SCUBE1: variants seen among roughly 807,000 people sequenced by gnomAD.
SCUBE1 encodes signal peptide, CUB and EGF-like domain-containing protein 1.
In SCUBE1, 59 loss-of-function variants were observed where a neutral mutation model predicts 124.4. The observed-to-expected ratio is 0.47, with a 90% CI of 0.38 to 0.59. The LOEUF (loss-of-function observed/expected upper bound fraction) is 0.59, where lower values mean the gene tolerates loss of function less well. Among genes scored for constraint, SCUBE1 ranks in the 20% least tolerant of loss-of-function variants. SCUBE1 has a pLI of 0.00. For missense variants in SCUBE1, 1,150 were observed against 1,371.2 expected, an observed-to-expected ratio of 0.84 and a Z score of 2.55; for synonymous variants, 545 against 550.9, an observed-to-expected ratio of 0.99 and a Z score of 0.15.
Position 43,258,177 on chromosome 22 carries a change from C to A in SCUBE1, c.727+42G>T, listed in dbSNP as rs375974492. 2.2e-6 allele frequency: 3 copies of A among 1,354,314 alleles called. No homozygotes were observed. Among genetic ancestry groups the A allele is most frequent in the Non-Finnish European group, 3.1e-6 (3 of 953,540 alleles). The allele number at this position is 1,354,314 out of a possible 1,614,324, so 83.9% of individuals were successfully genotyped here. A position where few individuals can be genotyped will look rare whatever the true frequency, so the allele number is the denominator to read the frequency against. On this transcript the variant is annotated intron_variant, in intron 6 of 21. Coordinates refer to ENST00000360835, the MANE Select transcript of SCUBE1 (RefSeq NM_173050.5). This position sits in a 1 kb window ranked among gnomAD's most constrained non-coding sequence, Gnocchi z 5.0. ...TGGTGCACGCATGGGGGGTCGGGGG[C>A]GGGGGGCGCAAGGGTGGTGTGTGGC...
chr22:43,271,202 G>C (rs114691168), intron 4 of SCUBE1, among the ~76,000 whole-genome samples: 3,735 of 152,222 alleles, frequency 0.025, 170 homozygotes, highest in African/African-American at 0.087. Context: ...CATGCCTGGG[G>C]CTCCCCTGCT....
chr22:43,323,715 GCA>G (rs973484457), intron 2 of SCUBE1, among the ~76,000 whole-genome samples: 2 of 151,840 alleles, frequency 1.3e-5, no homozygotes, highest in African/African-American at 4.8e-5. Context: ...TCACGCTCAT[GCA>G]CACACACGCA....
intron 4 of SCUBE1, among the ~76,000 whole-genome samples, chr22:43,268,446 C>T (rs902849083): frequency 1.3e-5 from 2 of 152,214 alleles, no homozygotes; most frequent in African/African-American, 2.4e-5. Flanking sequence ...TCAGGCCAGG[C>T]GGCCCGCCAG....
chr22:43,310,274 C>A (rs1258908001), intron 3 of SCUBE1, among the ~76,000 whole-genome samples: 1 of 152,080 alleles, frequency 6.6e-6, no homozygotes, highest in Non-Finnish European at 1.5e-5. Flanking sequence ...TGTGGTACTT[C>A]CTCCCTCTCA....
At chr22:43,223,860 GGA>G (rs765409802) in intron 10 of SCUBE1, among the ~76,000 whole-genome samples, 1 of 152,288 alleles carries the variant, frequency 6.6e-6, no homozygotes, top group Non-Finnish European at 1.5e-5. Context: ...TCATCAATGT[GGA>G]GTTACTCCAG....
In SCUBE1 at chr22:43,197,340, A is replaced by G. The variant is rs2146638067; in HGVS notation, c.*6657T>C. Reference sequence around the variant, plus strand: ...TTCACAAATGTTTCATTACATGCATATGGGGGACATGATGGATAAAACAAA... The same window carrying G: ...TTCACAAATGTTTCATTACATGCATGTGGGGGACATGATGGATAAAACAAA... On this transcript the variant is annotated 3_prime_UTR_variant, in exon 22 of 22. Transcript: ENST00000360835. The G allele has an allele frequency of 6.6e-6, 1 of 152,340 alleles. No homozygotes were observed. The highest frequency in any genetic ancestry group is 1.9e-4 in the East Asian group (1 of 5,180). 9.4% of individuals were successfully genotyped at this position (152,340 alleles called of 1,614,324 possible). A position where few individuals can be genotyped will look rare whatever the true frequency, so the allele number is the denominator to read the frequency against.
At chr22:43,231,317 G>A (rs745375157) in intron 8 of SCUBE1, among the ~76,000 whole-genome samples, 3 of 152,226 alleles carry the variant, frequency 2.0e-5, no homozygotes, top group South Asian at 4.1e-4. Flanking sequence ...TTCCTGGGCC[G>A]GGATTCTTGG....
intron 3 of SCUBE1, among the ~76,000 whole-genome samples, chr22:43,295,259 C>A (rs767508980): frequency 3.3e-5 from 5 of 152,188 alleles, no homozygotes; most frequent in Non-Finnish European, 7.4e-5. Flanking sequence ...TGGTGCCCAG[C>A]ATAATTCACT....
chr22:43,218,027 T>C (rs1357152961), intron 15 of SCUBE1, among the ~76,000 whole-genome samples: 1 of 136,244 alleles, frequency 7.3e-6, no homozygotes, highest in African/African-American at 3.3e-5. Context: ...GTCCACTCCT[T>C]GTCCCTCCTC....
At position 43,200,336 on chromosome 22, in the gene SCUBE1, C is replaced by T; in HGVS notation, c.*3661G>A. On this transcript the variant is annotated 3_prime_UTR_variant, in exon 22 of 22. Coordinates refer to ENST00000360835, the MANE Select transcript of SCUBE1 (RefSeq NM_173050.5). ...AGTCGAGGAGGGGCTATGCCGGCCT[C>T]CCCTCAGACAGCATGGGGGCCTCCT... The T allele has an allele frequency of 6.6e-6, 1 of 152,486 alleles. No individual in the cohort carries two copies. Among genetic ancestry groups the T allele is most frequent in the Non-Finnish European group, 1.5e-5 (1 of 68,130 alleles). The allele number at this position is 152,486 out of a possible 1,614,324, so 9.4% of individuals were successfully genotyped here.
At chr22:43,238,576 C>A in intron 7 of SCUBE1, 1 of 606,630 alleles carries the variant, frequency 1.6e-6, no homozygotes, top group Non-Finnish European at 3.0e-6. Context: ...AATTCTCTGA[C>A]ATCAGTGCCT....
At chr22:43,261,083 C>A (rs1462192748) in intron 5 of SCUBE1, among the ~76,000 whole-genome samples, 1 of 152,252 alleles carries the variant, frequency 6.6e-6, no homozygotes, top group East Asian at 1.9e-4. Flanking sequence ...CCAGGGCTAT[C>A]CACAACCCTG....
chr22:43,283,030 A>C (rs984369239), intron 4 of SCUBE1: 2 of 152,024 alleles, frequency 1.3e-5, no homozygotes, highest in African/African-American at 4.8e-5. Flanking sequence ...TCCATATCCC[A>C]CTGGCTCCAG....
At chr22:43,306,886 C>T (rs1925988204) in intron 3 of SCUBE1, among the ~76,000 whole-genome samples, 1 of 152,206 alleles carries the variant, frequency 6.6e-6, no homozygotes, top group Non-Finnish European at 1.5e-5. Context: ...AGTCACAGGC[C>T]ATCGCTGGCC....
chr22:43,275,507 C>G (rs1430413212), intron 4 of SCUBE1, among the ~76,000 whole-genome samples: 1 of 152,240 alleles, frequency 6.6e-6, no homozygotes, highest in Non-Finnish European at 1.5e-5. Context: ...GACTTAAACA[C>G]ATCCCTGCCC....
chr22:43,324,774 G>A (rs1294523491), intron 2 of SCUBE1, among the ~76,000 whole-genome samples: 1 of 151,560 alleles, frequency 6.6e-6, no homozygotes, highest in Non-Finnish European at 1.5e-5. Flanking sequence ...GCAGGGAGAT[G>A]GTAAAGCAAT....
At chr22:43,207,508 G>GATTC in intron 21 of SCUBE1, 26 bp downstream of exon 21, 2 of 1,580,500 alleles carry the variant, frequency 1.3e-6, no homozygotes, top group Non-Finnish European at 1.7e-6. Context: ...GGGTTACGTG[G>GATTC]ATTCCCTTCC....
intron 9 of SCUBE1, 32 bp from the exon 10 acceptor site, chr22:43,227,528 G>A (rs1286297241): frequency 6.3e-7 from 1 of 1,598,190 alleles, no homozygotes; most frequent in Non-Finnish European, 8.5e-7. Flanking sequence ...GGGCAGAGGG[G>A]AGGCTGGCGG....
chr22:43,214,046 C>CCGGGGGGGGGGGGGGGGGGGGGGGG, intron 16 of SCUBE1, 44 bp downstream of exon 16: 4 of 422,702 alleles, frequency 9.5e-6, no homozygotes, highest in Non-Finnish European at 1.2e-5. Flanking sequence ...GAGGAGCCCC[C>CCGGGGGGGGGGGGGGGGGGGGGGGG]GCCCACCCCC....
Sources: allele counts gnomAD v4.1 joint callset (sites outside exome capture counted in the v4.1 genomes callset), GRCh38; gene constraint gnomAD v4.1.1; non-coding constraint Gnocchi (gnomAD v3.1); transcripts MANE v1.5; gene names NCBI Gene and HGNC (gene_info 2026-07-23, HGNC 2026-07-21).